The following CLPB variants were observed in gnomAD, a reference collection of about 807,000 sequenced individuals.
CLPB encodes the protein ClpB family mitochondrial disaggregase.
CLPB carries 40 observed loss-of-function variants against 78.4 expected under a neutral mutation model. The observed-to-expected ratio is 0.51, with a 90% CI of 0.40 to 0.66. The LOEUF is 0.66. Among genes scored for constraint, CLPB ranks in the 30% least tolerant of loss-of-function variants. The pLI, the probability that CLPB is intolerant of heterozygous loss-of-function variation, is 0.00. For missense variants in CLPB, 780 were observed against 886.9 expected, an observed-to-expected ratio of 0.88 and a Z score of 1.53; for synonymous variants, 333 against 348.0, an observed-to-expected ratio of 0.96 and a Z score of 0.48.
At chr11:72,321,328 G>T (rs181605632) in intron 6 of CLPB, among the ~76,000 whole-genome samples, 1 of 152,260 alleles carries the variant, frequency 6.6e-6, no homozygotes, top group African/African-American at 2.4e-5. Flanking sequence ...AGCAGGAGTC[G>T]GGGAGTGAGC....
chr11:72,423,403 T>A (rs1461708815), intron 2 of CLPB, among the ~76,000 whole-genome samples: 1 of 152,222 alleles, frequency 6.6e-6, no homozygotes, highest in East Asian at 1.9e-4. Context: ...CCATATCCAT[T>A]TATATTCATT....
At chr11:72,412,952 T>C (rs117822540) in intron 2 of CLPB, among the ~76,000 whole-genome samples, 4,482 of 152,244 alleles carry the variant, frequency 0.029, 112 homozygotes, top group Non-Finnish European at 0.041. Context: ...TTCAAACTTA[T>C]AGAACAGTTA....
Position 72,293,536 on chromosome 11 carries a change from G to A in CLPB, c.1865C>T (p.Thr622Met), listed in dbSNP as rs544489365. The change falls in exon 16 of 16, where the codon ACG (threonine) becomes ATG (methionine). Residue 622 changes from threonine (T) to methionine (M), a missense_variant. Thr to Met is a moderately conservative substitution (Grantham distance 81). Coordinates refer to ENST00000538039, the MANE Select transcript of CLPB (RefSeq NM_001258392.3). ...TAGCTGCTTGTCTGAGTCCTCCACC[G>A]TGATGCGCAAAGTACAGCCCCCTGG... ...LLPGGCTLRITVEDSDKQLLK... is the reference protein window; with the variant it reads ...LLPGGCTLRIMVEDSDKQLLK... The A allele has an allele frequency of 4.8e-5, 78 of 1,614,118 alleles. 2 individuals carry two copies. The South Asian group carries it at 6.3e-4, about 13-fold the overall frequency.
intron 4 of CLPB, among the ~76,000 whole-genome samples, chr11:72,362,945 C>T (rs1950868034): frequency 6.6e-6 from 1 of 152,136 alleles, no homozygotes; most frequent in Admixed American, 6.5e-5. Context: ...CGCTTGAGCT[C>T]AGAAGTGTAA....
intron 4 of CLPB, among the ~76,000 whole-genome samples, chr11:72,370,879 G>A (rs992746947): frequency 1.3e-5 from 2 of 152,050 alleles, no homozygotes; most frequent in South Asian, 4.2e-4. Flanking sequence ...CTCTCCTTTA[G>A]GACCTTCAAG....
intron 5 of CLPB, 79 bp downstream of exon 5, chr11:72,358,801 T>TTCC: frequency 9.8e-6 from 1 of 102,144 alleles, no homozygotes; most frequent in Non-Finnish European, 1.9e-5. Flanking sequence ...CCAAGCCCCA[T>TTCC]CCCACCCCTC....
At chr11:72,345,773 A>G (rs1950501500) in intron 5 of CLPB, among the ~76,000 whole-genome samples, 1 of 152,220 alleles carries the variant, frequency 6.6e-6, no homozygotes, top group South Asian at 2.1e-4. Flanking sequence ...GCATAAACAC[A>G]CTGAAGGGGG....
chr11:72,388,733 G>A (rs981394863), intron 3 of CLPB, among the ~76,000 whole-genome samples: 2 of 152,116 alleles, frequency 1.3e-5, no homozygotes, highest in Non-Finnish European at 2.9e-5. Flanking sequence ...AGCTCCAAAC[G>A]GGTCAGGCCC....
At chr11:72,346,906 G>A (rs544761125) in intron 5 of CLPB, among the ~76,000 whole-genome samples, 2 of 150,976 alleles carry the variant, frequency 1.3e-5, no homozygotes, top group Non-Finnish European at 1.5e-5. Flanking sequence ...GCTTGAACCC[G>A]GGAGACGGAG....
intron 6 of CLPB, among the ~76,000 whole-genome samples, chr11:72,329,308 G>A (rs1010059553): frequency 6.6e-6 from 1 of 152,182 alleles, no homozygotes; most frequent in Non-Finnish European, 1.5e-5. Context: ...ATTGTTTGAT[G>A]AGACTGTAGA....
intron 2 of CLPB, among the ~76,000 whole-genome samples, chr11:72,420,111 C>G (rs1856148361): frequency 6.6e-6 from 1 of 152,050 alleles, no homozygotes; most frequent in African/African-American, 2.4e-5. Context: ...TTTGGGAGAC[C>G]AAGGCAGGAC....
Position 72,301,339 on chromosome 11 carries a change from T to C in CLPB, c.1329+464A>G, listed in dbSNP as rs74520021. On this transcript the variant is annotated intron_variant, in intron 11 of 15. Transcript: ENST00000538039. Reference sequence around the variant, plus strand: ...CAACAATATTAGCATTTTAAAGAACTGCAGGAGACAATGTTTGGCACACAG... The same window carrying C: ...CAACAATATTAGCATTTTAAAGAACCGCAGGAGACAATGTTTGGCACACAG... Among the ~76,000 whole-genome samples the C allele has an allele frequency of 1.0e-3, 157 of 152,278 alleles. 6 individuals carry two copies. In the East Asian group the frequency reaches 0.028, roughly 27 times the overall value.
rs370584838 is a variant in CLPB, at chr11:72,408,399, G to C, written c.456-5347C>G. ...AAGAAAGAACCGGGCTGGGTGCGGT[G>C]GCTCATGCCTGTAATCCCAACACTT... On this transcript the variant is annotated intron_variant, in intron 2 of 15. Transcript: ENST00000538039. Among the ~76,000 whole-genome samples the C allele has an allele frequency of 5.9e-5, 9 of 152,260 alleles. No homozygotes were observed. The East Asian group carries it at 9.6e-4, about 16-fold the overall frequency.
chr11:72,409,245 T>G (rs140564790), intron 2 of CLPB, among the ~76,000 whole-genome samples: 1 of 152,064 alleles, frequency 6.6e-6, no homozygotes, highest in Admixed American at 6.6e-5. Flanking sequence ...GACCCCTATC[T>G]GGGGATTGCC....
intron 9 of CLPB, among the ~76,000 whole-genome samples, chr11:72,305,854 T>C (rs1949737805): frequency 6.6e-6 from 1 of 152,220 alleles, no homozygotes; most frequent in Non-Finnish European, 1.5e-5. Context: ...TGAAGACATA[T>C]GAAGACAGCT....
Position 72,293,574 on chromosome 11 carries a change from C to T in CLPB, c.1827G>A (p.Glu609=). The T allele has an allele frequency of 1.9e-6, 3 of 1,613,968 alleles. No homozygotes were observed. In the African/African-American group the frequency reaches 4.0e-5, roughly 22 times the overall value. The change falls in exon 16 of 16, where the codon GAG becomes GAA. Residue 609 remains glutamate, a synonymous_variant. Coordinates refer to ENST00000538039, the MANE Select transcript of CLPB (RefSeq NM_001258392.3). ...TACAGCCCCCTGGCAGCAGGTCCTG[C>T]TCATAGGCTGCTGCCAGCTGGTTCA... ...RVVNQLAAAY[E]QDLLPGGCTL... is the part of the protein sequence containing the mutation.
At chr11:72,322,353 G>T (rs748747187) in intron 6 of CLPB, among the ~76,000 whole-genome samples, 2 of 152,204 alleles carry the variant, frequency 1.3e-5, no homozygotes, top group Non-Finnish European at 2.9e-5. Context: ...AGAAGGTTGA[G>T]GGGCAAAGAG....
intron 12 of CLPB, 21 bp downstream of exon 12, chr11:72,295,471 T>C (rs1215581526): frequency 1.2e-6 from 2 of 1,611,140 alleles, no homozygotes; most frequent in African/African-American, 1.3e-5. Flanking sequence ...TGGACCAGAC[T>C]GCTCAGGTCA....
chr11:72,331,814 T>G (rs1950232614), intron 5 of CLPB, among the ~76,000 whole-genome samples: 2 of 152,158 alleles, frequency 1.3e-5, no homozygotes, highest in South Asian at 4.1e-4. Context: ...CCTCAGGTGA[T>G]CCTCCAACCT....
Sources: gnomAD v4.1 joint callset for allele counts (sites outside exome capture counted in the v4.1 genomes callset) on GRCh38, gnomAD v4.1.1 for gene constraint, MANE v1.5 for transcripts, NCBI Gene and HGNC (gene_info 2026-07-23, HGNC 2026-07-21) for gene names.